The following PCDHGB6 variants were observed in gnomAD, a reference collection of about 807,000 sequenced individuals.
PCDHGB6 encodes the protein protocadherin gamma subfamily B, 6.
A neutral mutation model predicts 59.1 loss-of-function variants in PCDHGB6; 51 were observed. That is an observed-to-expected ratio of 0.86 (90% CI 0.69 to 1.09). PCDHGB6 has a LOEUF of 1.09. Ranked by LOEUF, PCDHGB6 falls within the 50% of genes least tolerant of loss-of-function variation. The pLI is 0.00. For synonymous variants in PCDHGB6, 466 were observed against 495.1 expected (o/e 0.94, Z 0.78); for missense variants, 1,148 against 1,205.1 (o/e 0.95, Z 0.70).
chr5:141,492,164 C>T (rs1180358388), intron 1 of PCDHGB6, among the ~76,000 whole-genome samples: 2 of 152,230 alleles, frequency 1.3e-5, no homozygotes, highest in East Asian at 1.9e-4. Context: ...CTCCCTATCC[C>T]CGCATCACCC....
chr5:141,413,442 C>T, intron 1 of PCDHGB6: 5 of 1,614,090 alleles, frequency 3.1e-6, no homozygotes, highest in Non-Finnish European at 8.5e-7. Flanking sequence ...GCAGCTTGAT[C>T]ACCGCGGGCA....
At chr5:141,427,982 G>A in intron 1 of PCDHGB6, 1 of 1,596,754 alleles carries the variant, frequency 6.3e-7, no homozygotes, top group Non-Finnish European at 8.6e-7. Flanking sequence ...CCGCGCTGGG[G>A]CCCGATGGCT....
chr5:141,429,487 C>G (rs2097218311), intron 1 of PCDHGB6, among the ~76,000 whole-genome samples: 1 of 151,822 alleles, frequency 6.6e-6, no homozygotes, highest in Non-Finnish European at 1.5e-5. Flanking sequence ...GTAGCTGAGA[C>G]TACAGTTGCC....
At chr5:141,453,544 C>T (rs540372287) in intron 1 of PCDHGB6, among the ~76,000 whole-genome samples, 12 of 152,310 alleles carry the variant, frequency 7.9e-5, no homozygotes, top group African/African-American at 2.9e-4. Flanking sequence ...ATTCACACCA[C>T]ACTCTGTAGA....
chr5:141,430,617 C>G, intron 1 of PCDHGB6: 1 of 715,450 alleles, frequency 1.4e-6, no homozygotes, highest in South Asian at 3.9e-5. Context: ...AAGCAGATAG[C>G]TAGGAATGAA....
At chr5:141,494,171 G>A (rs72790068) in intron 1 of PCDHGB6, among the ~76,000 whole-genome samples, 9,520 of 152,240 alleles carry the variant, frequency 0.063, 348 homozygotes, top group South Asian at 0.11. Flanking sequence ...TTCTAGGGGT[G>A]AGAAGTGTCC....
chr5:141,423,760 G>GT, intron 1 of PCDHGB6: 1 of 279,664 alleles, frequency 3.6e-6, no homozygotes, highest in Non-Finnish European at 5.3e-6. Flanking sequence ...TGGGGGGGGG[G>GT]TGGGGCGGCA....
In PCDHGB6 at chr5:141,415,739, GGTTTTT is replaced by G; in HGVS notation, c.2418+5120_2418+5125del. On this transcript the variant is annotated intron_variant, in intron 1 of 3. Coordinates refer to ENST00000520790, the MANE Select transcript of PCDHGB6 (RefSeq NM_018926.3). ...ATGAGTAGAATTTGATGTTTATTAA[GGTTTTT>G]TTTTTTTTTTTTTTTTTTTTTTTTT... is the stretch of plus-strand genomic sequence containing the variant. 1.4e-4 allele frequency: 59 copies of G among 434,890 alleles called. 1 individual carries two copies. The African/African-American group carries it at 1.6e-3, about 12-fold the overall frequency. The allele number at this position is 434,890 out of a possible 1,614,324, so 26.9% of individuals were successfully genotyped here.
At chr5:141,469,770 A>G (rs1003620088) in intron 1 of PCDHGB6, among the ~76,000 whole-genome samples, 4 of 152,234 alleles carry the variant, frequency 2.6e-5, no homozygotes, top group Non-Finnish European at 5.9e-5. Flanking sequence ...ATACCAGCTT[A>G]TTTATTACAG....
intron 1 of PCDHGB6, among the ~76,000 whole-genome samples, chr5:141,435,232 G>A (rs1317217213): frequency 6.6e-6 from 1 of 152,062 alleles, no homozygotes; most frequent in Non-Finnish European, 1.5e-5. Context: ...TCAAAGTTCA[G>A]TAATTCTTTC....
Position 141,408,051 on chromosome 5 carries a change from C to A in PCDHGB6, c.-152C>A. On this transcript the variant is annotated 5_prime_UTR_variant, in exon 1 of 4. Coordinates refer to ENST00000520790, the MANE Select transcript of PCDHGB6 (RefSeq NM_018926.3). Reference sequence around the variant, plus strand: ...GAAGAAAACCAGCTCCCACACAGAGCCTCCCGGCTGCGCAGACCTTTCCCA... The same window carrying A: ...GAAGAAAACCAGCTCCCACACAGAGACTCCCGGCTGCGCAGACCTTTCCCA... 3 of 1,264,368 alleles carry A rather than the reference C, an allele frequency of 2.4e-6. No individual in the cohort carries two copies. Among genetic ancestry groups the A allele is most frequent in the Non-Finnish European group, 3.2e-6 (3 of 944,554 alleles). 78.3% of individuals were successfully genotyped at this position (1,264,368 alleles called of 1,614,324 possible).
Position 141,489,492 on chromosome 5 carries a change from G to C in PCDHGB6, c.2419-5315G>C. On this transcript the variant is annotated intron_variant, in intron 1 of 3. Coordinates refer to ENST00000520790, the MANE Select transcript of PCDHGB6 (RefSeq NM_018926.3). This position sits in a 1 kb window ranked among gnomAD's most constrained non-coding sequence, Gnocchi z 4.5. The stretch of plus-strand genomic sequence containing the variant: ...CCCTGAGCTTGATGAGTGGTGCCCT[G>C]GCAGTGAATCAAAAGATTGACCGAG... The C allele has an allele frequency of 6.2e-7, 1 of 1,614,042 alleles. No homozygotes were observed. The highest frequency in any genetic ancestry group is 8.5e-7 in the Non-Finnish European group (1 of 1,180,034).
intron 1 of PCDHGB6, among the ~76,000 whole-genome samples, chr5:141,463,726 A>G (rs6888081): frequency 0.29 from 44,573 of 151,836 alleles, 7,596 homozygotes; most frequent in African/African-American, 0.48. Flanking sequence ...GATTACAGGC[A>G]TGAGCCACCG....
intron 1 of PCDHGB6, among the ~76,000 whole-genome samples, chr5:141,466,884 T>G (rs901947336): frequency 2.6e-5 from 4 of 152,212 alleles, no homozygotes; most frequent in Admixed American, 1.3e-4. Flanking sequence ...TTTCATAATA[T>G]GCATTTTCCA....
At position 141,485,791 on chromosome 5, in the gene PCDHGB6, G is replaced by A; in HGVS notation, c.2419-9016G>A. The A allele has an allele frequency of 6.2e-7, 1 of 1,614,196 alleles. No homozygotes were observed. The highest frequency in any genetic ancestry group is 8.5e-7 in the Non-Finnish European group (1 of 1,180,032). ...AGCCTTTGGATCGAGAGAAGCAATC[G>A]GACTACCGCCTGGTGCTGACTGCTG... On this transcript the variant is annotated intron_variant, in intron 1 of 3. Transcript: ENST00000520790. The surrounding 1 kb of genome is among the most constrained non-coding windows in gnomAD (Gnocchi z 5.7).
chr5:141,468,315 C>T (rs1197043569), intron 1 of PCDHGB6: 4 of 120,552 alleles, frequency 3.3e-5, no homozygotes, highest in Non-Finnish European at 5.0e-5. Context: ...ACAAGAGCAA[C>T]GGTAAACTCC....
chr5:141,431,325 G>C lies in PCDHGB6; in HGVS notation c.2418+20705G>C, dbSNP rs772252181. On this transcript the variant is annotated intron_variant, in intron 1 of 3. Coordinates refer to ENST00000520790, the MANE Select transcript of PCDHGB6 (RefSeq NM_018926.3). The surrounding 1 kb of genome is among the most constrained non-coding windows in gnomAD (Gnocchi z 4.8). Reference sequence around the variant, plus strand: ...ATCGTGCAAAATGGAGCCGACGGTAGTAAGTACCCCGAATTGGTGCTGAAA... The same window carrying C: ...ATCGTGCAAAATGGAGCCGACGGTACTAAGTACCCCGAATTGGTGCTGAAA... 4.3e-6 allele frequency: 7 copies of C among 1,614,144 alleles called. No individual in the cohort carries two copies. In the Admixed American group the frequency reaches 8.3e-5, roughly 19 times the overall value.
intron 3 of PCDHGB6, among the ~76,000 whole-genome samples, chr5:141,506,132 G>T (rs114930087): frequency 1.2e-4 from 18 of 152,310 alleles, no homozygotes; most frequent in African/African-American, 4.3e-4. Context: ...CAGAGCAGGA[G>T]AAGAAGAATA....
Position 141,489,730 on chromosome 5 carries a change from A to G in PCDHGB6, c.2419-5077A>G. The stretch of plus-strand genomic sequence containing the variant: ...CAGTGCCCAGGATCCGGATGTGGGC[A>G]CCAATACTGTGAGCTTTTACACTCT... On this transcript the variant is annotated intron_variant, in intron 1 of 3. Coordinates refer to ENST00000520790, the MANE Select transcript of PCDHGB6 (RefSeq NM_018926.3). This position sits in a 1 kb window ranked among gnomAD's most constrained non-coding sequence, Gnocchi z 4.5. 6.2e-7 allele frequency: 1 copy of G among 1,614,182 alleles called. No homozygotes were observed. Among genetic ancestry groups the G allele is most frequent in the Non-Finnish European group, 8.5e-7 (1 of 1,180,020 alleles).
Sources: gnomAD v4.1 joint callset for allele counts (sites outside exome capture counted in the v4.1 genomes callset) on GRCh38, gnomAD v4.1.1 for gene constraint, Gnocchi (gnomAD v3.1) non-coding constraint, MANE v1.5 for transcripts, NCBI Gene and HGNC (gene_info 2026-07-23, HGNC 2026-07-21) for gene names.